Variants in ST6GAL2 observed in about 807,000 individuals in gnomAD.
The protein encoded by ST6GAL2 is beta-galactoside alpha-2,6-sialyltransferase 2.
In ST6GAL2, 24 loss-of-function variants were observed where a neutral mutation model predicts 37.5. The observed-to-expected ratio is 0.64, with a 90% CI of 0.46 to 0.90. ST6GAL2 has a LOEUF of 0.90. Among genes scored for constraint, ST6GAL2 ranks in the 40% least tolerant of loss-of-function variants. ST6GAL2 has a pLI of 0.00. For synonymous variants in ST6GAL2, 306 were observed against 295.1 expected (o/e 1.04, Z -0.38); for missense variants, 715 against 712.7 (o/e 1.00, Z -0.04).
chr2:106,861,203 C>A (rs1222150560), intron 1 of ST6GAL2, among the ~76,000 whole-genome samples: 1 of 152,146 alleles, frequency 6.6e-6, no homozygotes, highest in Non-Finnish European at 1.5e-5. Flanking sequence ...TGAGATGACA[C>A]CAAGAATCAC....
Position 106,805,054 on chromosome 2 carries a change from C to T in ST6GAL2, c.*1624G>A, listed in dbSNP as rs1675374315. 2 of 152,082 alleles carry T rather than the reference C, an allele frequency of 1.3e-5. No homozygotes were observed. The highest frequency in any genetic ancestry group is 4.1e-4 in the South Asian group (2 of 4,822). 9.4% of individuals were successfully genotyped at this position (152,082 alleles called of 1,614,324 possible). A position where few individuals can be genotyped will look rare whatever the true frequency, so the allele number is the denominator to read the frequency against. On this transcript the variant is annotated 3_prime_UTR_variant, in exon 6 of 6. Coordinates refer to ENST00000409382, the MANE Select transcript of ST6GAL2 (RefSeq NM_001142351.2). ...TATTATAGCAAGCTATAGGAGATGTCTTGTTTTCCAGCTCCATATCTGCTG... is the reference window on the plus strand; with the variant it reads ...TATTATAGCAAGCTATAGGAGATGTTTTGTTTTCCAGCTCCATATCTGCTG...
At chr2:106,884,940 C>T (rs56172394) in intron 1 of ST6GAL2, among the ~76,000 whole-genome samples, 32,648 of 95,740 alleles carry the variant, frequency 0.34, 5,403 homozygotes, top group Non-Finnish European at 0.44. Context: ...TATATACATA[C>T]ACACACACAC....
At chr2:106,842,359 T>C (rs1676919912) in intron 2 of ST6GAL2, among the ~76,000 whole-genome samples, 1 of 152,196 alleles carries the variant, frequency 6.6e-6, no homozygotes, top group South Asian at 2.1e-4. Context: ...GCCCAGGTGT[T>C]GCATGTTATT....
In ST6GAL2 at chr2:106,838,158, C is replaced by A. The variant is rs539261447; in HGVS notation, c.944-4012G>T. Among the ~76,000 whole-genome samples, 149 of 152,288 alleles carry A rather than the reference C, an allele frequency of 9.8e-4. No homozygotes were observed. In the Middle Eastern group the frequency reaches 0.01, roughly 11 times the overall value. ...AGAAAAAAAGGAATAGGTCAGACAG[C>A]AAATACAAGGGGAAGAAAGTCAAGT... On this transcript the variant is annotated intron_variant, in intron 2 of 5. Coordinates refer to ENST00000409382, the MANE Select transcript of ST6GAL2 (RefSeq NM_001142351.2).
At chr2:106,823,442 A>AACACACACACACACACACAC (rs60795605) in intron 5 of ST6GAL2, among the ~76,000 whole-genome samples, 661 of 101,198 alleles carry the variant, frequency 6.5e-3, no homozygotes, top group East Asian at 0.011. Flanking sequence ...CCCAGCAGAA[A>AACACACACACACACACACAC]ACACACACAC....
At chr2:106,852,406 G>A (rs955341592) in intron 1 of ST6GAL2, among the ~76,000 whole-genome samples, 3 of 152,182 alleles carry the variant, frequency 2.0e-5, no homozygotes, top group African/African-American at 4.8e-5. Context: ...ACCTCGCTTG[G>A]TTGAGGCATA....
intron 5 of ST6GAL2, among the ~76,000 whole-genome samples, chr2:106,807,166 A>G (rs1206434574): frequency 6.6e-6 from 1 of 152,106 alleles, no homozygotes; most frequent in Non-Finnish European, 1.5e-5. Flanking sequence ...ATATATATAT[A>G]TATCTATTCG....
At chr2:106,815,481 T>C (rs1397055816) in intron 5 of ST6GAL2, among the ~76,000 whole-genome samples, 1 of 152,206 alleles carries the variant, frequency 6.6e-6, no homozygotes, top group African/African-American at 2.4e-5. Context: ...TTATATGATC[T>C]CTGTAATAGC....
chr2:106,809,469 G>C (rs145129951), intron 5 of ST6GAL2, among the ~76,000 whole-genome samples: 15 of 152,282 alleles, frequency 9.9e-5, no homozygotes, highest in African/African-American at 3.6e-4. Context: ...TTGGAGTTGT[G>C]ACCTTTGCAA....
At chr2:106,855,087 A>G (rs1241524760) in intron 1 of ST6GAL2, among the ~76,000 whole-genome samples, 1 of 152,228 alleles carries the variant, frequency 6.6e-6, no homozygotes, top group Non-Finnish European at 1.5e-5. Flanking sequence ...TAAGTCTATC[A>G]TAAGGTGGCA....
intron 1 of ST6GAL2, among the ~76,000 whole-genome samples, chr2:106,848,040 TTTC>T (rs1294935541): frequency 6.7e-6 from 1 of 150,282 alleles, no homozygotes; most frequent in African/African-American, 2.4e-5. Flanking sequence ...TCTTTTTCTC[TTTC>T]TTTTTTTTTT....
intron 1 of ST6GAL2, among the ~76,000 whole-genome samples, chr2:106,863,753 G>A (rs1389522024): frequency 6.6e-6 from 1 of 152,160 alleles, no homozygotes; most frequent in Non-Finnish European, 1.5e-5. Flanking sequence ...ATCTCACAAG[G>A]TAATTGTGGG....
chr2:106,813,335 A>C (rs1675682559), intron 5 of ST6GAL2: 1 of 667,024 alleles, frequency 1.5e-6, no homozygotes, highest in Non-Finnish European at 2.1e-6. Context: ...ATATAACGCA[A>C]GATAATTATC....
At chr2:106,885,939 C>T (rs1014789821) in intron 1 of ST6GAL2, 154 bp downstream of exon 1, 1 of 152,472 alleles carries the variant, frequency 6.6e-6, no homozygotes, top group Non-Finnish European at 1.5e-5. Context: ...GTTCGCTTCT[C>T]CAGAATTTCC....
rs561775973 is a variant in ST6GAL2 at position 106,806,610 on chromosome 2, A to T, written c.*68T>A. ...CTACACTGTCTAAAATCTATCTTCA[A>T]GTATTCTTTTGTGACTTTGAGTACA... On this transcript the variant is annotated 3_prime_UTR_variant, in exon 6 of 6. Transcript: ENST00000409382. 2.0e-6 allele frequency: 3 copies of T among 1,522,406 alleles called. No individual in the cohort carries two copies. The South Asian group carries it at 3.7e-5, about 19-fold the overall frequency. 94.3% of individuals were successfully genotyped at this position (1,522,406 alleles called of 1,614,324 possible). A position where few individuals can be genotyped will look rare whatever the true frequency, so the allele number is the denominator to read the frequency against.
Position 106,843,290 on chromosome 2 carries a change from TCAGGTAATCCTTCATCGCCTTCTG to T in ST6GAL2, c.664_687del (p.Gln222_Leu229del). The stretch of plus-strand genomic sequence containing the variant: ...AAGCGCACCCCGTGCTTGTTGGCGG[TCAGGTAATCCTTCATCGCCTTCTG>T]CAGGCGCGGGTTCAGCATTTTGGAA... On this transcript the variant is annotated inframe_deletion, in exon 2 of 6. Coordinates refer to ENST00000409382, the MANE Select transcript of ST6GAL2 (RefSeq NM_001142351.2). 1 of 1,612,228 alleles carries T rather than the reference TCAGGTAATCCTTCATCGCCTTCTG, an allele frequency of 6.2e-7. No individual in the cohort carries two copies. Among genetic ancestry groups the T allele is most frequent in the Non-Finnish European group, 8.5e-7 (1 of 1,179,274 alleles).
chr2:106,879,211 T>C (rs1678639740), intron 1 of ST6GAL2, among the ~76,000 whole-genome samples: 1 of 152,210 alleles, frequency 6.6e-6, no homozygotes, highest in Non-Finnish European at 1.5e-5. Flanking sequence ...CTTCTGTGTA[T>C]GTATCCAATG....
intron 3 of ST6GAL2, among the ~76,000 whole-genome samples, chr2:106,833,795 AT>A (rs1558691179): frequency 6.6e-6 from 1 of 152,106 alleles, no homozygotes; most frequent in Non-Finnish European, 1.5e-5. Context: ...ATAAATATAT[AT>A]ATTTCTATTT....
At chr2:106,813,284 CAA>C (rs1273334257) in intron 5 of ST6GAL2, 16 of 1,202,118 alleles carry the variant, frequency 1.3e-5, no homozygotes. Flanking sequence ...AATTGTGACT[CAA>C]GAGGCATTCA....
Sources: allele counts gnomAD v4.1 joint callset (sites outside exome capture counted in the v4.1 genomes callset), GRCh38; gene constraint gnomAD v4.1.1; transcripts MANE v1.5; gene names NCBI Gene and HGNC (gene_info 2026-07-23, HGNC 2026-07-21).